Variants in MAP1B observed in about 807,000 individuals in gnomAD.
MAP1B encodes the protein microtubule-associated protein 1B.
MAP1B carries 12 observed loss-of-function variants against 176.1 expected under a neutral mutation model. The observed-to-expected ratio is 0.07, with a 90% confidence interval of 0.04 to 0.11. The LOEUF (loss-of-function observed/expected upper bound fraction) is 0.11, where lower values mean the gene tolerates loss of function less well. Among genes scored for constraint, MAP1B ranks in the 10% least tolerant of loss-of-function variants. The pLI, the probability that MAP1B is intolerant of heterozygous loss-of-function variation, is 1.00. For synonymous variants in MAP1B, 1,044 were observed against 1,135.0 expected, an observed-to-expected ratio of 0.92 and a Z score of 1.61; for missense variants, 2,523 against 2,990.5, an observed-to-expected ratio of 0.84 and a Z score of 3.65.
intron 1 of MAP1B, among the ~76,000 whole-genome samples, chr5:72,111,640 A>C (rs1745343225): frequency 6.6e-6 from 1 of 152,200 alleles, no homozygotes; most frequent in Admixed American, 6.5e-5. Context: ...TTCAAAGTCG[A>C]AGACAGATGG....
At chr5:72,128,616 C>T (rs1231856062) in intron 2 of MAP1B, among the ~76,000 whole-genome samples, 1 of 152,056 alleles carries the variant, frequency 6.6e-6, no homozygotes, top group Non-Finnish European at 1.5e-5. Flanking sequence ...CTTCCTGTAT[C>T]CCCTTGCCTA....
chr5:72,126,327 T>G (rs1745629740), intron 2 of MAP1B, among the ~76,000 whole-genome samples: 1 of 152,220 alleles, frequency 6.6e-6, no homozygotes, highest in South Asian at 2.1e-4. Context: ...CATCTTAACT[T>G]TGTTCTGCCA....
chr5:72,142,407 C>T (rs925701519), intron 2 of MAP1B, among the ~76,000 whole-genome samples: 5 of 152,140 alleles, frequency 3.3e-5, no homozygotes, highest in Admixed American at 2.6e-4. Context: ...TGCAAAATTC[C>T]GCTATGTGGT....
intron 2 of MAP1B, among the ~76,000 whole-genome samples, chr5:72,148,553 C>G (rs1462998010): frequency 6.6e-6 from 1 of 151,168 alleles, no homozygotes; most frequent in Non-Finnish European, 1.5e-5. Context: ...GAGGGTCTTC[C>G]AGGGTAGGAC....
At chr5:72,126,753 C>T (rs1745640068) in intron 2 of MAP1B, among the ~76,000 whole-genome samples, 1 of 152,146 alleles carries the variant, frequency 6.6e-6, no homozygotes, top group Admixed American at 6.5e-5. Flanking sequence ...ACTGCCTGTC[C>T]CATCCATGAG....
chr5:72,164,955 T>A (rs940541605), intron 2 of MAP1B, among the ~76,000 whole-genome samples: 3 of 152,224 alleles, frequency 2.0e-5, no homozygotes, highest in African/African-American at 7.2e-5. Flanking sequence ...TTTTTTTCCC[T>A]CTTTTCAACT....
At chr5:72,150,539 G>A (rs1241987050) in intron 2 of MAP1B, among the ~76,000 whole-genome samples, 1 of 152,112 alleles carries the variant, frequency 6.6e-6, no homozygotes, top group African/African-American at 2.4e-5. Flanking sequence ...ACAAATGCAG[G>A]TTTGTTACAT....
rs756708203 is a variant in MAP1B, at chr5:72,198,365, T to C, written c.5010T>C (p.Pro1670=). 1.4e-5 allele frequency: 23 copies of C among 1,614,150 alleles called. No individual in the cohort carries two copies. Among genetic ancestry groups the C allele is most frequent in the East Asian group, 4.5e-5 (2 of 44,884 alleles). Residue 1670 remains proline (P), a synonymous_variant, in exon 5 of 7, where the codon CCT becomes CCC. Transcript: ENST00000296755. ...MDFSRQSPDH[P]TVGAGVLHIT... ...TCAGTCGACAGTCTCCAGATCACCC[T>C]ACAGTGGGTGCAGGCGTGCTTCACA...
At chr5:72,185,728 T>C (rs935140463) in intron 3 of MAP1B, among the ~76,000 whole-genome samples, 4 of 152,138 alleles carry the variant, frequency 2.6e-5, no homozygotes, top group Non-Finnish European at 4.4e-5. Context: ...GTGGAGCAGA[T>C]GGGGCTGAAA....
At chr5:72,183,565 T>C (rs1211023379) in intron 2 of MAP1B, among the ~76,000 whole-genome samples, 178 bp from the exon 3 acceptor site, 1 of 152,214 alleles carries the variant, frequency 6.6e-6, no homozygotes, top group African/African-American at 2.4e-5. Context: ...AACCTACTAG[T>C]GGCTGCACCC....
chr5:72,107,546 G>A lies in MAP1B; in HGVS notation c.15G>A (p.Val5=). The A allele has an allele frequency of 6.4e-7, 1 of 1,572,286 alleles. No individual in the cohort carries two copies. The highest frequency in any genetic ancestry group is 8.6e-7 in the Non-Finnish European group (1 of 1,164,126). ...CAGCCGGCAGGATGGCGACCGTGGT[G>A]GTGGAAGCCACCGAGCCGGAGCCGT... is the stretch of plus-strand genomic sequence containing the variant. The part of the protein sequence containing the change: MATV[V]VEATEPEPSG... Residue 5 remains valine, a synonymous_variant, in exon 1 of 7, where the codon GTG becomes GTA. Transcript: ENST00000296755.
At chr5:72,182,186 C>T (rs925598707) in intron 2 of MAP1B, among the ~76,000 whole-genome samples, 2 of 152,008 alleles carry the variant, frequency 1.3e-5, no homozygotes, top group African/African-American at 4.8e-5. Flanking sequence ...ATTTTAAAAA[C>T]ATTTTCATCA....
chr5:72,166,119 C>T (rs1056785054), intron 2 of MAP1B, among the ~76,000 whole-genome samples: 1 of 152,192 alleles, frequency 6.6e-6, no homozygotes, highest in Non-Finnish European at 1.5e-5. Context: ...AAATTTTACC[C>T]TGTAATATGC....
At chr5:72,160,783 T>C (rs544126754) in intron 2 of MAP1B, among the ~76,000 whole-genome samples, 2 of 152,252 alleles carry the variant, frequency 1.3e-5, no homozygotes, top group East Asian at 3.9e-4. Context: ...AGAATCCTCA[T>C]TGTGATTTGC....
chr5:72,143,414 G>A (rs570773032), intron 2 of MAP1B, among the ~76,000 whole-genome samples: 4 of 152,254 alleles, frequency 2.6e-5, no homozygotes, highest in East Asian at 3.9e-4. Context: ...CATTATGAAC[G>A]TCATCCACAA....
chr5:72,144,224 AG>A (rs886897763), intron 2 of MAP1B, among the ~76,000 whole-genome samples: 8 of 152,230 alleles, frequency 5.3e-5, no homozygotes, highest in African/African-American at 1.9e-4. Flanking sequence ...CTAGTCACTA[AG>A]CTTGTTAGAC....
In MAP1B at chr5:72,197,686, C is replaced by T. The variant is rs1293772030; in HGVS notation, c.4331C>T (p.Pro1444Leu). The change falls in exon 5 of 7, where the codon CCA becomes CTA. Residue 1444 changes from proline (P) to leucine (L), a missense_variant. By Grantham distance (98) the Pro-to-Leu change is moderately conservative. Transcript: ENST00000296755. ...CAAGGCTCTCCAGACCAAGTAAGTC[C>T]AGTTTCTGAAATGACTTCTACTAGT... ...GKQGSPDQVS[P>L]VSEMTSTSLY... 3.1e-6 allele frequency: 5 copies of T among 1,614,062 alleles called. No individual in the cohort carries two copies. In the East Asian group the frequency reaches 1.1e-4, roughly 36 times the overall value.
intron 6 of MAP1B, 32 bp downstream of exon 6, chr5:72,203,833 G>A (rs190122644): frequency 5.9e-5 from 94 of 1,592,192 alleles, no homozygotes; most frequent in Middle Eastern, 2.3e-4. Context: ...CTGCACTGCC[G>A]ATTGAGCTGT....
chr5:72,149,180 A>G (rs934935376), intron 2 of MAP1B, among the ~76,000 whole-genome samples: 5 of 152,230 alleles, frequency 3.3e-5, no homozygotes, highest in African/African-American at 1.2e-4. Context: ...ATCCCTGCAC[A>G]GTTTTCTGCT....
Sources: allele counts gnomAD v4.1 joint callset (sites outside exome capture counted in the v4.1 genomes callset), GRCh38; gene constraint gnomAD v4.1.1; transcripts MANE v1.5; gene names NCBI Gene and HGNC (gene_info 2026-07-23, HGNC 2026-07-21).